The following ATL2 variants were observed in gnomAD, a reference collection of about 807,000 sequenced individuals.
ATL2 encodes the protein atlastin GTPase 2.
In ATL2, 31 loss-of-function variants were observed where a neutral mutation model predicts 73.9. That is an observed-to-expected ratio of 0.42 (90% confidence interval 0.32 to 0.57). ATL2 has a LOEUF of 0.57. Ranked by LOEUF, ATL2 falls within the 20% of genes least tolerant of loss-of-function variation. The probability of loss-of-function intolerance (pLI) is 0.14; values close to 1 mark genes in which losing one functional copy is unlikely to be tolerated. For synonymous variants in ATL2, 291 were observed against 237.5 expected (o/e 1.23, Z -2.07); for missense variants, 738 against 702.6 (o/e 1.05, Z -0.57).
intron 2 of ATL2, among the ~76,000 whole-genome samples, chr2:38,319,875 A>G (rs1293983358): frequency 6.6e-6 from 1 of 152,134 alleles, no homozygotes; most frequent in Non-Finnish European, 1.5e-5. Flanking sequence ...TGGGAGGACG[A>G]GGCAGGTGGC....
intron 1 of ATL2, among the ~76,000 whole-genome samples, chr2:38,372,120 ATTG>A (rs1671723755): frequency 9.4e-6 from 1 of 106,706 alleles, no homozygotes. Flanking sequence ...TTTCATGTTA[ATTG>A]TTTTTTTTTT....
At chr2:38,331,765 G>T (rs1234127076) in intron 2 of ATL2, among the ~76,000 whole-genome samples, 1 of 151,862 alleles carries the variant, frequency 6.6e-6, no homozygotes, top group Non-Finnish European at 1.5e-5. Context: ...TTCCAAAAAT[G>T]GTGCTGGGAC....
chr2:38,326,577 T>C (rs1401545449), intron 2 of ATL2, among the ~76,000 whole-genome samples: 1 of 152,196 alleles, frequency 6.6e-6, no homozygotes, highest in African/African-American at 2.4e-5. Flanking sequence ...ACACTAGGTA[T>C]ATATTATAGC....
At position 38,343,457 on chromosome 2, in the gene ATL2, T is replaced by C. The variant is rs1471580577; in HGVS notation, c.174A>G (p.Pro58=). 3 of 1,611,920 alleles carry C rather than the reference T, an allele frequency of 1.9e-6. No individual in the cohort carries two copies. Among genetic ancestry groups the C allele is most frequent in the Non-Finnish European group, 2.5e-6 (3 of 1,178,530 alleles). The change falls in exon 2 of 13, where the codon CCA becomes CCG. Residue 58 remains proline (P), a synonymous_variant. Coordinates refer to ENST00000378954, the MANE Select transcript of ATL2 (RefSeq NM_001135673.4). ...LVNSDEVMKK[P]CPVQIVLAHE... Reference sequence around the variant, plus strand: ...GAGCAAGAACAATCTGTACTGGACATGGTTTCTTCATAACCTCATCAGAAT... The same window carrying C: ...GAGCAAGAACAATCTGTACTGGACACGGTTTCTTCATAACCTCATCAGAAT...
rs112097581 is a variant in ATL2, at chr2:38,348,042, C to T, written c.119-4530G>A. On this transcript the variant is annotated intron_variant, in intron 1 of 12. Coordinates refer to ENST00000378954, the MANE Select transcript of ATL2 (RefSeq NM_001135673.4). ...TCAGCCTCCCAAAGTACTAGGATTACAGGCATGAGCCACTATGCCTGGCCC... is the reference window on the plus strand; with the variant it reads ...TCAGCCTCCCAAAGTACTAGGATTATAGGCATGAGCCACTATGCCTGGCCC... Among the ~76,000 whole-genome samples the T allele has an allele frequency of 6.0e-4, 91 of 151,942 alleles. 1 individual carries two copies. Among genetic ancestry groups the T allele is most frequent in the African/African-American group, 2.2e-3 (90 of 41,474 alleles).
rs1348455456 is a variant in ATL2 at position 38,296,816 on chromosome 2, C to A, written c.1633-703G>T. The A allele has an allele frequency of 7.8e-6, 11 of 1,414,662 alleles. No individual in the cohort carries two copies. In the South Asian group the frequency reaches 1.3e-4, roughly 16 times the overall value. 87.6% of individuals were successfully genotyped at this position (1,414,662 alleles called of 1,614,324 possible). A position where few individuals can be genotyped will look rare whatever the true frequency, so the allele number is the denominator to read the frequency against. On this transcript the variant is annotated intron_variant, in intron 12 of 12. Coordinates refer to ENST00000378954, the MANE Select transcript of ATL2 (RefSeq NM_001135673.4). ...ACTATACTGAAAATGATTTTATACA[C>A]TTTAGATTCTTCCATTTAATTGTTT... is the stretch of plus-strand genomic sequence containing the variant.
chr2:38,366,916 A>T (rs1671361630), intron 1 of ATL2, among the ~76,000 whole-genome samples: 1 of 152,136 alleles, frequency 6.6e-6, no homozygotes, highest in South Asian at 2.1e-4. Context: ...AACTAACCCC[A>T]GCCCCTTCAT....
At chr2:38,325,527 A>G (rs571172719) in intron 2 of ATL2, among the ~76,000 whole-genome samples, 1 of 152,012 alleles carries the variant, frequency 6.6e-6, no homozygotes, top group African/African-American at 2.4e-5. Flanking sequence ...CAAAGTAATT[A>G]CGGAAGAAAG....
rs377195163 is a variant in ATL2 at position 38,350,474 on chromosome 2, CAGA to C, written c.119-6965_119-6963del. On this transcript the variant is annotated intron_variant, in intron 1 of 12. Transcript: ENST00000378954. ...TAGGGAGGGATGAACAGGCATAACACAGAAGATTTCTTAGGGCAGTGAAACTAT... is the reference window on the plus strand; with the variant it reads ...TAGGGAGGGATGAACAGGCATAACACAGATTTCTTAGGGCAGTGAAACTAT... Among the ~76,000 whole-genome samples the C allele has an allele frequency of 1.4e-3, 213 of 152,246 alleles. 3 individuals are homozygous for C. Among genetic ancestry groups the C allele is most frequent in the South Asian group, 0.011 (51 of 4,826 alleles).
At chr2:38,299,598 G>C (rs1441862305) in intron 10 of ATL2, among the ~76,000 whole-genome samples, 1 of 152,136 alleles carries the variant, frequency 6.6e-6, no homozygotes, top group Non-Finnish European at 1.5e-5. Flanking sequence ...AATGGATAAA[G>C]ATAAATAGAT....
intron 1 of ATL2, among the ~76,000 whole-genome samples, chr2:38,352,013 G>A (rs1367584055): frequency 1.4e-5 from 2 of 143,410 alleles, no homozygotes; most frequent in Non-Finnish European, 3.1e-5. Context: ...TCGGGAGGCT[G>A]AGGCAGGAGA....
At chr2:38,320,874 G>C (rs1206403026) in intron 2 of ATL2, among the ~76,000 whole-genome samples, 2 of 152,070 alleles carry the variant, frequency 1.3e-5, no homozygotes, top group Non-Finnish European at 2.9e-5. Context: ...GCCAGGCACA[G>C]TGGCTCACGC....
chr2:38,342,416 G>A (rs1230510673), intron 2 of ATL2, among the ~76,000 whole-genome samples: 1 of 152,094 alleles, frequency 6.6e-6, no homozygotes, highest in Non-Finnish European at 1.5e-5. Flanking sequence ...TGTCAGGGAA[G>A]GCCCCCATGA....
intron 2 of ATL2, among the ~76,000 whole-genome samples, chr2:38,322,040 G>C (rs1343244417): frequency 6.6e-6 from 1 of 152,068 alleles, no homozygotes; most frequent in Non-Finnish European, 1.5e-5. Context: ...CATTTATAAG[G>C]AGTTACCTTT....
intron 2 of ATL2, among the ~76,000 whole-genome samples, chr2:38,342,916 T>C (rs927041611): frequency 2.7e-5 from 4 of 147,546 alleles, no homozygotes; most frequent in African/African-American, 1.0e-4. Flanking sequence ...TATATTTCTA[T>C]AGAATTAAAA....
At chr2:38,343,232 T>C in intron 2 of ATL2, 36 bp downstream of exon 2, 1 of 1,538,776 alleles carries the variant, frequency 6.5e-7, no homozygotes, top group South Asian at 1.3e-5. Flanking sequence ...GGTACTTTTT[T>C]CTTTTTAATT....
In ATL2 at chr2:38,343,177, A is replaced by T. The variant is rs1031633750; in HGVS notation, c.363+91T>A. The T allele has an allele frequency of 2.0e-4, 111 of 541,670 alleles. 1 individual carries two copies. The African/African-American group carries it at 2.3e-3, about 11-fold the overall frequency. 33.6% of individuals were successfully genotyped at this position (541,670 alleles called of 1,614,324 possible). ...AAAAAAAAAAAAAAAAAAAAAAAAA[A>T]AGATATAGTTCTGGTTTTTGTCTAT... On this transcript the variant is annotated intron_variant, in intron 2 of 12. Coordinates refer to ENST00000378954, the MANE Select transcript of ATL2 (RefSeq NM_001135673.4).
At chr2:38,301,216 C>G (rs532133798) in intron 9 of ATL2, among the ~76,000 whole-genome samples, 1 of 152,204 alleles carries the variant, frequency 6.6e-6, no homozygotes, top group South Asian at 2.1e-4. Flanking sequence ...GTGATTCGCC[C>G]ACTTTAGCCT....
intron 1 of ATL2, chr2:38,359,445 T>C (rs1670876821): frequency 7.1e-6 from 1 of 141,844 alleles, no homozygotes; most frequent in Admixed American, 7.3e-5. Context: ...GCCATTGCAC[T>C]CCAGCCTCAG....
Sources: gnomAD v4.1 joint callset for allele counts (sites outside exome capture counted in the v4.1 genomes callset) on GRCh38, gnomAD v4.1.1 for gene constraint, MANE v1.5 for transcripts, NCBI Gene and HGNC (gene_info 2026-07-23, HGNC 2026-07-21) for gene names.